Variants in SLC44A1 observed in about 807,000 individuals in gnomAD.
SLC44A1 encodes the protein solute carrier family 44 member 1, also known as choline transporter-like protein 1.
In SLC44A1, 26 loss-of-function variants were observed where a neutral mutation model predicts 79.3. The observed-to-expected ratio is 0.33, with a 90% CI of 0.24 to 0.46. The LOEUF is 0.46. SLC44A1 is among the 20% of genes least tolerant of loss of function. SLC44A1 has a pLI of 1.00. For missense variants in SLC44A1, 688 were observed against 798.1 expected (o/e 0.86, Z 1.66); for synonymous variants, 263 against 286.2 (o/e 0.92, Z 0.82).
At chr9:105,405,622 C>A (rs964160919) in intron 15 of SLC44A1, among the ~76,000 whole-genome samples, 2 of 152,064 alleles carry the variant, frequency 1.3e-5, no homozygotes, top group African/African-American at 4.8e-5. Flanking sequence ...CCCAAGTAAG[C>A]AATGTGTGGT....
chr9:105,404,077 T>C (rs1345858298), intron 15 of SLC44A1, among the ~76,000 whole-genome samples: 5 of 151,712 alleles, frequency 3.3e-5, no homozygotes, highest in Admixed American at 2.6e-4. Context: ...ATTGTAAATA[T>C]ACCATGTGAT....
At position 105,323,141 on chromosome 9, in the gene SLC44A1, A is replaced by C. The variant is rs185441624; in HGVS notation, c.270-12422A>C. ...TGAGACAGGAGAATTGCTTGAACCCAGGAGGCAGAGGTTGCAGTGAGCCGA... is the reference window on the plus strand; with the variant it reads ...TGAGACAGGAGAATTGCTTGAACCCCGGAGGCAGAGGTTGCAGTGAGCCGA... On this transcript the variant is annotated intron_variant, in intron 3 of 15. Coordinates refer to ENST00000374720, the MANE Select transcript of SLC44A1 (RefSeq NM_080546.5). 5.2e-4 allele frequency among the ~76,000 whole-genome samples: 78 copies of C among 148,910 alleles called. 1 individual carries two copies. The highest frequency in any genetic ancestry group is 1.9e-3 in the African/African-American group (77 of 40,724).
At chr9:105,329,099 C>CT (rs1826671331) in intron 3 of SLC44A1, among the ~76,000 whole-genome samples, 1 of 152,198 alleles carries the variant, frequency 6.6e-6, no homozygotes. Flanking sequence ...GCGGGGCTCT[C>CT]TGTAGCCTAT....
Position 105,265,085 on chromosome 9 carries a change from C to T in SLC44A1, c.36+20181C>T, listed in dbSNP as rs1022681998. Among the ~76,000 whole-genome samples the T allele has an allele frequency of 4.6e-5, 7 of 152,154 alleles. No homozygotes were observed. The East Asian group carries it at 5.8e-4, about 13-fold the overall frequency. On this transcript the variant is annotated intron_variant, in intron 1 of 15. Coordinates refer to ENST00000374720, the MANE Select transcript of SLC44A1 (RefSeq NM_080546.5). ...TGCTGGGATTACAGGTGTGAGCCACCGTGCCAGGCCCATTCTTTCTTGTAT... is the reference window on the plus strand; with the variant it reads ...TGCTGGGATTACAGGTGTGAGCCACTGTGCCAGGCCCATTCTTTCTTGTAT...
At chr9:105,368,417 C>T (rs193024432) in intron 12 of SLC44A1, among the ~76,000 whole-genome samples, 17 of 152,238 alleles carry the variant, frequency 1.1e-4, no homozygotes, top group Middle Eastern at 3.4e-3. Flanking sequence ...CTCCTGGGCT[C>T]ATAGGAAATG....
chr9:105,273,279 A>C (rs955281719), intron 1 of SLC44A1, among the ~76,000 whole-genome samples: 1 of 152,208 alleles, frequency 6.6e-6, no homozygotes, highest in Non-Finnish European at 1.5e-5. Flanking sequence ...GGCATGGGCC[A>C]CTGCGCCCAG....
Position 105,276,309 on chromosome 9 carries a change from A to T in SLC44A1, c.37-22911A>T, listed in dbSNP as rs188868695. On this transcript the variant is annotated intron_variant, in intron 1 of 15. Transcript: ENST00000374720. ...TCTTGGATTTGTGAAGATTAAGGTG[A>T]CTGAAGAGTCACAATCTCAATCTGT... is the stretch of plus-strand genomic sequence containing the variant. 1.1e-3 allele frequency among the ~76,000 whole-genome samples: 172 copies of T among 152,306 alleles called. 1 individual carries two copies. The highest frequency in any genetic ancestry group is 4.0e-3 in the African/African-American group (168 of 41,556).
At chr9:105,357,698 T>A (rs1457506163) in intron 6 of SLC44A1, among the ~76,000 whole-genome samples, 1 of 152,206 alleles carries the variant, frequency 6.6e-6, no homozygotes, top group African/African-American at 2.4e-5. Flanking sequence ...CAAACAGCTT[T>A]GCTCCTTTTT....
chr9:105,370,415 T>G (rs1322446841), intron 12 of SLC44A1, among the ~76,000 whole-genome samples: 1 of 152,172 alleles, frequency 6.6e-6, no homozygotes, highest in Non-Finnish European at 1.5e-5. Flanking sequence ...CATAGATCCA[T>G]AGAAATATTG....
At chr9:105,311,191 TTTA>T (rs1428496862) in intron 3 of SLC44A1, among the ~76,000 whole-genome samples, 1 of 152,232 alleles carries the variant, frequency 6.6e-6, no homozygotes, top group Non-Finnish European at 1.5e-5. Flanking sequence ...CTACGATTTT[TTTA>T]TTTTTATTTT....
intron 1 of SLC44A1, among the ~76,000 whole-genome samples, chr9:105,246,185 A>G (rs576148473): frequency 3.6e-4 from 55 of 152,330 alleles, no homozygotes; most frequent in South Asian, 8.3e-4. Flanking sequence ...CCAGAAAGCT[A>G]GCATCTGTGA....
rs768612919 is a variant in SLC44A1 at position 105,361,174 on chromosome 9, G to A, written c.761-17G>A. 15 of 1,612,492 alleles carry A rather than the reference G, an allele frequency of 9.3e-6. No homozygotes were observed. The Admixed American group carries it at 2.5e-4, about 27-fold the overall frequency. ...TATCCTAATTATTGCATTAACAGTT[G>A]GGTCTTTTGTCTCCAGGAGGCACAG... On this transcript the variant is annotated splice_polypyrimidine_tract_variant and intron_variant, in intron 7 of 15. Coordinates refer to ENST00000374720, the MANE Select transcript of SLC44A1 (RefSeq NM_080546.5).
At chr9:105,255,630 G>C (rs1296499867) in intron 1 of SLC44A1, among the ~76,000 whole-genome samples, 1 of 152,168 alleles carries the variant, frequency 6.6e-6, no homozygotes, top group East Asian at 1.9e-4. Flanking sequence ...TAGTCATTGA[G>C]TAGCCTTTTG....
In SLC44A1 at chr9:105,244,708, G is replaced by A. The variant is rs1829379793; in HGVS notation, c.-161G>A. On this transcript the variant is annotated 5_prime_UTR_variant, in exon 1 of 16. Coordinates refer to ENST00000374720, the MANE Select transcript of SLC44A1 (RefSeq NM_080546.5). ...ATGTGGCCGGCGCCTGCCTCTAGCC[G>A]CGCCGCCTCTTGAGTACCAGCCGCC... The A allele has an allele frequency of 1.9e-5, 6 of 315,008 alleles. No homozygotes were observed. The highest frequency in any genetic ancestry group is 9.2e-4 in the Middle Eastern group (1 of 1,088). 19.5% of individuals were successfully genotyped at this position (315,008 alleles called of 1,614,324 possible). A position where few individuals can be genotyped will look rare whatever the true frequency, so the allele number is the denominator to read the frequency against.
At chr9:105,400,517 T>G (rs1358463304), downstream of SLC44A1, among the ~76,000 whole-genome samples, 1 of 149,108 alleles carries the variant, frequency 6.7e-6, no homozygotes, top group Non-Finnish European at 1.5e-5. Flanking sequence ...GAAAATTGTT[T>G]TAAACTACAA....
chr9:105,379,793 T>C (rs541537970), intron 13 of SLC44A1, among the ~76,000 whole-genome samples: 15 of 152,320 alleles, frequency 9.8e-5, no homozygotes, highest in African/African-American at 3.1e-4. Flanking sequence ...TTTGTCCTAA[T>C]AAAGCTATCC....
chr9:105,417,839 C>CAAAAAAAAAAAAAA (rs146589405), intron 15 of SLC44A1, among the ~76,000 whole-genome samples: 1 of 57,910 alleles, frequency 1.7e-5, no homozygotes. Context: ...CTCATCCCTA[C>CAAAAAAAAAAAAAA]AAAAAAAAAA....
chr9:105,271,689 C>T (rs556475684), intron 1 of SLC44A1, among the ~76,000 whole-genome samples: 3 of 152,144 alleles, frequency 2.0e-5, no homozygotes, highest in African/African-American at 7.2e-5. Context: ...TCTCAGCACA[C>T]GGCAACCTCC....
chr9:105,329,480 G>A (rs1351989814), intron 3 of SLC44A1, among the ~76,000 whole-genome samples: 2 of 152,114 alleles, frequency 1.3e-5, no homozygotes, highest in East Asian at 1.9e-4. Flanking sequence ...AGTTGCCATG[G>A]CAGCAGGAGG....
Sources: allele counts gnomAD v4.1 joint callset (sites outside exome capture counted in the v4.1 genomes callset), GRCh38; gene constraint gnomAD v4.1.1; transcripts MANE v1.5; gene names NCBI Gene and HGNC (gene_info 2026-07-23, HGNC 2026-07-21).